Variants in TRIO observed in about 807,000 individuals in gnomAD.
The protein encoded by TRIO is trio Rho guanine nucleotide exchange factor, also known as triple functional domain protein.
Under a neutral mutation model 351.9 loss-of-function variants are expected in TRIO, and 58 were observed. The observed-to-expected ratio is 0.16, with a 90% CI of 0.13 to 0.21. The LOEUF (loss-of-function observed/expected upper bound fraction) is 0.21, where lower values mean the gene tolerates loss of function less well. TRIO is among the 10% of genes least tolerant of loss of function. The probability of loss-of-function intolerance (pLI) is 1.00; values close to 1 mark genes in which losing one functional copy is unlikely to be tolerated. For missense variants in TRIO, 3,201 were observed against 4,027.8 expected (o/e 0.79, Z 5.56); for synonymous variants, 1,758 against 1,595.7 (o/e 1.10, Z -2.42).
At chr5:14,247,153 G>T (rs866420312) in intron 1 of TRIO, among the ~76,000 whole-genome samples, 1 of 152,342 alleles carries the variant, frequency 6.6e-6, no homozygotes, top group South Asian at 2.1e-4. Flanking sequence ...AGTGAGCCTC[G>T]TGTGCTTTCT....
intron 1 of TRIO, among the ~76,000 whole-genome samples, chr5:14,202,925 C>A (rs768073188): frequency 2.5e-4 from 38 of 151,706 alleles, no homozygotes; most frequent in Non-Finnish European, 4.6e-4. Flanking sequence ...ATACACCATT[C>A]TGGTCATTTA....
rs1343014566 is a variant in TRIO, at chr5:14,343,297, A to G, written c.2046+6570A>G. On this transcript the variant is annotated intron_variant, in intron 11 of 56. Transcript: ENST00000344204. Reference sequence around the variant, plus strand: ...GTATGTGTGTGTTTAGTCCTGTGCAATTGTATCATGTATAGATTTGTGTAA... The same window carrying G: ...GTATGTGTGTGTTTAGTCCTGTGCAGTTGTATCATGTATAGATTTGTGTAA... 3.3e-5 allele frequency among the ~76,000 whole-genome samples: 5 copies of G among 152,132 alleles called. 1 individual carries two copies. The highest frequency in any genetic ancestry group is 1.3e-4 in the Admixed American group (2 of 15,274).
chr5:14,473,665 T>G (rs777636079), intron 39 of TRIO, among the ~76,000 whole-genome samples: 1 of 152,254 alleles, frequency 6.6e-6, no homozygotes, highest in Non-Finnish European at 1.5e-5. Flanking sequence ...ACAGGAGATA[T>G]GATTCTGACC....
chr5:14,440,981 C>G (rs1025031685), intron 34 of TRIO: 2 of 151,954 alleles, frequency 1.3e-5, no homozygotes, highest in Non-Finnish European at 2.9e-5. Context: ...TGGGTATTCC[C>G]ACTTGTGAAA....
chr5:14,458,157 C>T (rs558338545), intron 34 of TRIO, among the ~76,000 whole-genome samples: 26 of 151,954 alleles, frequency 1.7e-4, no homozygotes, highest in Non-Finnish European at 3.7e-4. Context: ...GGGCCACACT[C>T]ATAGTTCCTT....
intron 34 of TRIO, among the ~76,000 whole-genome samples, chr5:14,460,158 C>T (rs1368510197): frequency 6.6e-6 from 1 of 152,184 alleles, no homozygotes; most frequent in Non-Finnish European, 1.5e-5. Context: ...CCTCGTGATC[C>T]ACCTGCCTCG....
At chr5:14,324,651 A>G (rs1037234618) in intron 9 of TRIO, among the ~76,000 whole-genome samples, 1 of 152,158 alleles carries the variant, frequency 6.6e-6, no homozygotes, top group Non-Finnish European at 1.5e-5. Context: ...CTCCATTTGA[A>G]TCTCTTTTCT....
At chr5:14,496,765 C>G in intron 49 of TRIO, 114 bp from the exon 50 acceptor site, 1 of 1,373,514 alleles carries the variant, frequency 7.3e-7, no homozygotes, top group Non-Finnish European at 9.8e-7. Flanking sequence ...TAGAGGATTT[C>G]CCATCCCCCT....
At chr5:14,246,780 T>G (rs1298327528) in intron 1 of TRIO, among the ~76,000 whole-genome samples, 1 of 152,236 alleles carries the variant, frequency 6.6e-6, no homozygotes, top group Non-Finnish European at 1.5e-5. Context: ...CCTGCCATTC[T>G]GTTGTGCTCT....
chr5:14,324,058 G>A (rs1374939200), intron 9 of TRIO, among the ~76,000 whole-genome samples: 1 of 152,194 alleles, frequency 6.6e-6, no homozygotes, highest in African/African-American at 2.4e-5. Flanking sequence ...AGCTCAGAAT[G>A]TAATATGTTC....
At chr5:14,365,492 G>A (rs1011068804) in intron 15 of TRIO, among the ~76,000 whole-genome samples, 3 of 152,170 alleles carry the variant, frequency 2.0e-5, no homozygotes, top group African/African-American at 7.2e-5. Flanking sequence ...AGAACAGGTA[G>A]ACTCTTCAGT....
intron 41 of TRIO, among the ~76,000 whole-genome samples, 154 bp from the exon 42 acceptor site, chr5:14,479,107 T>TCAG (rs1272734405): frequency 6.6e-6 from 1 of 152,184 alleles, no homozygotes; most frequent in Non-Finnish European, 1.5e-5. Context: ...CTGATCTACA[T>TCAG]CCTGAATCTG....
intron 34 of TRIO, among the ~76,000 whole-genome samples, chr5:14,453,563 AGTTT>A (rs543593527): frequency 3.8e-4 from 58 of 152,278 alleles, no homozygotes; most frequent in African/African-American, 1.3e-3. Context: ...CAGTTTATGA[AGTTT>A]GTTTGTTCCC....
intron 13 of TRIO, among the ~76,000 whole-genome samples, chr5:14,360,387 C>CCTT (rs1744040702): frequency 6.6e-6 from 1 of 152,180 alleles, no homozygotes; most frequent in South Asian, 2.1e-4. Context: ...CGTAAGGAGC[C>CCTT]TAAGCTCCCC....
At chr5:14,373,488 T>A (rs1362506557) in intron 18 of TRIO, among the ~76,000 whole-genome samples, 1 of 152,240 alleles carries the variant, frequency 6.6e-6, no homozygotes, top group Non-Finnish European at 1.5e-5. Flanking sequence ...ATGCACAAGA[T>A]GTTTCCAATT....
chr5:14,190,609 T>A (rs1397375705), intron 1 of TRIO, among the ~76,000 whole-genome samples: 2 of 152,158 alleles, frequency 1.3e-5, no homozygotes, highest in African/African-American at 4.8e-5. Flanking sequence ...TTCAGGCTCA[T>A]GAAATGTCTG....
intron 20 of TRIO, among the ~76,000 whole-genome samples, chr5:14,378,529 A>G (rs7723309): frequency 6.6e-5 from 10 of 151,948 alleles, no homozygotes; most frequent in African/African-American, 9.7e-5. Flanking sequence ...AAAATTAAGT[A>G]GGAAATGTGA....
chr5:14,384,995 T>G (rs1746414007), intron 21 of TRIO, among the ~76,000 whole-genome samples: 1 of 152,200 alleles, frequency 6.6e-6, no homozygotes, highest in African/African-American at 2.4e-5. Context: ...GCCTTCACCA[T>G]GAGATCATCA....
chr5:14,201,204 G>A (rs1791086005), intron 1 of TRIO, among the ~76,000 whole-genome samples: 1 of 152,074 alleles, frequency 6.6e-6, no homozygotes, highest in Non-Finnish European at 1.5e-5. Flanking sequence ...AGGTTGCAGT[G>A]AGCCGAGATC....
Sources: gnomAD v4.1 joint callset for allele counts (sites outside exome capture counted in the v4.1 genomes callset) on GRCh38, gnomAD v4.1.1 for gene constraint, MANE v1.5 for transcripts, NCBI Gene and HGNC (gene_info 2026-07-23, HGNC 2026-07-21) for gene names.